Variants in NAALADL2 observed in about 807,000 individuals in gnomAD.
NAALADL2 encodes the protein inactive N-acetylated-alpha-linked acidic dipeptidase-like protein 2.
A neutral mutation model predicts 87.2 loss-of-function variants in NAALADL2; 76 were observed. That is an observed-to-expected ratio of 0.87 (90% CI 0.72 to 1.05). The LOEUF (loss-of-function observed/expected upper bound fraction) is 1.05, where lower values mean the gene tolerates loss of function less well. NAALADL2 is among the 50% of genes least tolerant of loss of function. The probability of loss-of-function intolerance (pLI) is 0.00; values close to 1 mark genes in which losing one functional copy is unlikely to be tolerated. For synonymous variants in NAALADL2, 354 were observed against 331.0 expected (o/e 1.07, Z -0.75); for missense variants, 1,089 against 945.8 (o/e 1.15, Z -1.99).
chr3:174,576,407 C>T (rs1023740555), intron 2 of NAALADL2, among the ~76,000 whole-genome samples: 5 of 152,028 alleles, frequency 3.3e-5, no homozygotes, highest in South Asian at 2.1e-4. Flanking sequence ...ATTTCCTTCA[C>T]ATTTGTGTGA....
At chr3:175,099,851 A>G (rs1304979150) in intron 2 of NAALADL2, among the ~76,000 whole-genome samples, 2 of 152,276 alleles carry the variant, frequency 1.3e-5, no homozygotes, top group Non-Finnish European at 1.5e-5. Flanking sequence ...TTAAAGTGCC[A>G]TCATCTAATA....
intron 3 of NAALADL2, among the ~76,000 whole-genome samples, chr3:174,787,598 T>TATATAC (rs1431193842): frequency 1.5e-4 from 9 of 60,182 alleles, no homozygotes; most frequent in African/African-American, 5.2e-4. Context: ...TATATATATA[T>TATATAC]ATATATATAT....
chr3:174,833,827 C>A (rs1229330278), intron 3 of NAALADL2, among the ~76,000 whole-genome samples: 3 of 149,602 alleles, frequency 2.0e-5, no homozygotes, highest in South Asian at 2.1e-4. Context: ...AACAGAAGAG[C>A]AAAAGAGATT....
At position 175,613,043 on chromosome 3, in the gene NAALADL2, T is replaced by A. The variant is rs183532139; in HGVS notation, c.1801-14248T>A. ...GTAAACAGCTAGGGCTCTGAGACTTTGGCGTGTCTTTCCCTCATCCATAAT... is the reference window on the plus strand; with the variant it reads ...GTAAACAGCTAGGGCTCTGAGACTTAGGCGTGTCTTTCCCTCATCCATAAT... On this transcript the variant is annotated intron_variant, in intron 10 of 13. Coordinates refer to ENST00000454872, the MANE Select transcript of NAALADL2 (RefSeq NM_207015.3). 3.4e-3 allele frequency among the ~76,000 whole-genome samples: 513 copies of A among 151,442 alleles called. 3 individuals are homozygous for A. The highest frequency in any genetic ancestry group is 0.012 in the African/African-American group (492 of 41,486).
intron 5 of NAALADL2, among the ~76,000 whole-genome samples, chr3:175,423,026 A>T (rs1184295973): frequency 1.3e-4 from 12 of 92,044 alleles, no homozygotes; most frequent in African/African-American, 6.8e-4. Flanking sequence ...AAGAAAAAAA[A>T]AAATATATAT....
chr3:175,208,203 C>T (rs1436872760), intron 2 of NAALADL2, among the ~76,000 whole-genome samples: 1 of 152,086 alleles, frequency 6.6e-6, no homozygotes, highest in Non-Finnish European at 1.5e-5. Context: ...TTATTTCTAT[C>T]CCAAGCTTCC....
intron 4 of NAALADL2, among the ~76,000 whole-genome samples, chr3:175,304,698 T>A (rs73047223): frequency 0.072 from 10,887 of 152,192 alleles, 1,253 homozygotes; most frequent in African/African-American, 0.25. Flanking sequence ...GTCAAACTAC[T>A]CTGGAAATAT....
intron 12 of NAALADL2, among the ~76,000 whole-genome samples, chr3:175,752,495 C>G (rs935419541): frequency 2.6e-5 from 4 of 152,076 alleles, no homozygotes; most frequent in African/African-American, 9.7e-5. Flanking sequence ...CAAGCAAGCT[C>G]TAATTGGCAG....
intron 2 of NAALADL2, among the ~76,000 whole-genome samples, chr3:175,115,924 G>A (rs1447117232): frequency 6.6e-6 from 1 of 151,794 alleles, no homozygotes; most frequent in Admixed American, 6.6e-5. Flanking sequence ...TGCAAGGCTG[G>A]TTCAACATAT....
intron 11 of NAALADL2, among the ~76,000 whole-genome samples, chr3:175,674,671 C>A (rs534540885): frequency 7.2e-5 from 11 of 152,098 alleles, no homozygotes; most frequent in African/African-American, 2.7e-4. Flanking sequence ...TGGGTTGGAT[C>A]ATTTTTTGAA....
In NAALADL2 at chr3:175,552,322, C is replaced by CT. The variant is rs200470582; in HGVS notation, c.1654-23713dup. On this transcript the variant is annotated intron_variant, in intron 9 of 13. Coordinates refer to ENST00000454872, the MANE Select transcript of NAALADL2 (RefSeq NM_207015.3). ...CTAATAAATGATGTCTTCATATTTGCTTTTTTCTTCTCCTTTCCAGAAGGC... is the reference window on the plus strand; with the variant it reads ...CTAATAAATGATGTCTTCATATTTGCTTTTTTTCTTCTCCTTTCCAGAAGGC... 3.9e-3 allele frequency among the ~76,000 whole-genome samples: 586 copies of CT among 152,136 alleles called. 1 individual carries two copies. Among genetic ancestry groups the CT allele is most frequent in the Middle Eastern group, 0.014 (4 of 294 alleles).
intron 2 of NAALADL2, among the ~76,000 whole-genome samples, chr3:174,627,621 TAA>T (rs758152154): frequency 1.4e-4 from 22 of 152,334 alleles, no homozygotes; most frequent in African/African-American, 4.8e-4. Context: ...ATCATTTTAT[TAA>T]AAGACACCTG....
At chr3:174,774,116 C>G (rs1478036629) in intron 3 of NAALADL2, among the ~76,000 whole-genome samples, 1 of 152,098 alleles carries the variant, frequency 6.6e-6, no homozygotes, top group African/African-American at 2.4e-5. Flanking sequence ...TACTATTCCT[C>G]TAACCCACAG....
intron 9 of NAALADL2, among the ~76,000 whole-genome samples, chr3:175,482,612 A>G (rs148574932): frequency 1.3e-3 from 198 of 152,104 alleles, no homozygotes; most frequent in African/African-American, 4.4e-3. Context: ...TTTCTAAAAA[A>G]TAGTTTTTCA....
intron 1 of NAALADL2, among the ~76,000 whole-genome samples, chr3:174,946,988 A>G (rs1437472743): frequency 6.6e-6 from 1 of 152,202 alleles, no homozygotes; most frequent in Non-Finnish European, 1.5e-5. Flanking sequence ...AAAAATAAAC[A>G]TTCAAAAGTT....
At chr3:175,023,626 ACATACTACT>A (rs1421600233) in intron 1 of NAALADL2, among the ~76,000 whole-genome samples, 1 of 152,116 alleles carries the variant, frequency 6.6e-6, no homozygotes, top group African/African-American at 2.4e-5. Context: ...ATACTGAATG[ACATACTACT>A]CATTGTCTGC....
chr3:175,694,804 G>A (rs1261827190), intron 11 of NAALADL2, among the ~76,000 whole-genome samples: 1 of 152,180 alleles, frequency 6.6e-6, no homozygotes, highest in South Asian at 2.1e-4. Context: ...ATCCTCTTCA[G>A]TCTCCCTGTT....
At chr3:174,923,818 G>A (rs36107365) in intron 1 of NAALADL2, among the ~76,000 whole-genome samples, 55,972 of 151,466 alleles carry the variant, frequency 0.37, 11,094 homozygotes, top group African/African-American at 0.53. Context: ...AGGTTTTGCT[G>A]GTATGGCACT....
At chr3:174,593,629 C>T (rs1361211005) in intron 2 of NAALADL2, among the ~76,000 whole-genome samples, 4 of 152,040 alleles carry the variant, frequency 2.6e-5, no homozygotes, top group African/African-American at 9.7e-5. Flanking sequence ...TTAAAATGAC[C>T]ACATACTTTA....
Sources: gnomAD v4.1 joint callset for allele counts (sites outside exome capture counted in the v4.1 genomes callset) on GRCh38, gnomAD v4.1.1 for gene constraint, MANE v1.5 for transcripts, NCBI Gene and HGNC (gene_info 2026-07-23, HGNC 2026-07-21) for gene names.